SYT16: variants seen among roughly 807,000 people sequenced by gnomAD.
The protein encoded by SYT16 is synaptotagmin-16.
A neutral mutation model predicts 61.4 loss-of-function variants in SYT16; 42 were observed. The observed-to-expected ratio is 0.68, with a 90% CI of 0.53 to 0.89. The LOEUF (loss-of-function observed/expected upper bound fraction) is 0.89. Among genes scored for constraint, SYT16 ranks in the 40% least tolerant of loss-of-function variants. The pLI is 0.00. For synonymous variants in SYT16, 314 were observed against 302.3 expected, an observed-to-expected ratio of 1.04 and a Z score of -0.40; for missense variants, 804 against 807.3, an observed-to-expected ratio of 1.00 and a Z score of 0.05.
At chr14:61,949,411 G>C (rs2050577370) in intron 1 of SYT16, among the ~76,000 whole-genome samples, 2 of 152,166 alleles carry the variant, frequency 1.3e-5, no homozygotes, top group African/African-American at 4.8e-5. Context: ...GAGTATCTCT[G>C]TGTGAACGTT....
chr14:61,820,680 G>T (rs564489017), intron 1 of SYT16, among the ~76,000 whole-genome samples: 80 of 151,760 alleles, frequency 5.3e-4, no homozygotes, highest in Non-Finnish European at 8.7e-4. Context: ...CAGGGTTTCA[G>T]CCTGTTGGCC....
chr14:62,068,937 A>G (rs1595338608), intron 3 of SYT16, among the ~76,000 whole-genome samples: 1 of 152,156 alleles, frequency 6.6e-6, no homozygotes, highest in African/African-American at 2.4e-5. Flanking sequence ...CCAGGATTAC[A>G]GGCTCCTGAC....
At chr14:61,840,979 G>C (rs2046286048) in intron 1 of SYT16, among the ~76,000 whole-genome samples, 1 of 152,180 alleles carries the variant, frequency 6.6e-6, no homozygotes, top group Non-Finnish European at 1.5e-5. Context: ...CAACGGAACA[G>C]TCACCCAAGT....
At chr14:61,982,157 T>G (rs886555057) in intron 2 of SYT16, among the ~76,000 whole-genome samples, 1 of 152,154 alleles carries the variant, frequency 6.6e-6, no homozygotes, top group Non-Finnish European at 1.5e-5. Context: ...GCATGGAATT[T>G]TATGACTGAG....
chr14:62,063,578 G>T (rs2055922276), intron 3 of SYT16, among the ~76,000 whole-genome samples: 1 of 152,028 alleles, frequency 6.6e-6, no homozygotes, highest in Non-Finnish European at 1.5e-5. Context: ...TTCACATTCT[G>T]CACTCTTAAC....
chr14:62,096,104 G>A (rs61993256), intron 7 of SYT16, among the ~76,000 whole-genome samples: 68,891 of 151,740 alleles, frequency 0.45, 15,769 homozygotes, highest in Middle Eastern at 0.54. Flanking sequence ...TAAAGATCAA[G>A]TGTGAAAAAC....
At position 62,101,731 on chromosome 14, in the gene SYT16, C is replaced by T. The variant is rs1376604947; in HGVS notation, c.*1024C>T. 6.6e-6 allele frequency: 1 copy of T among 152,088 alleles called. No individual in the cohort carries two copies. Among genetic ancestry groups the T allele is most frequent in the Admixed American group, 6.6e-5 (1 of 15,266 alleles). The allele number at this position is 152,088 out of a possible 1,614,324, so 9.4% of individuals were successfully genotyped here. A position where few individuals can be genotyped will look rare whatever the true frequency, so the allele number is the denominator to read the frequency against. On this transcript the variant is annotated 3_prime_UTR_variant, in exon 8 of 8. Transcript: ENST00000683842. ...TCTTCAAAGTGAACATGTTATAACA[C>T]CTGTGAATGGAGAAATATTTTCAGC...
intron 7 of SYT16, among the ~76,000 whole-genome samples, chr14:62,085,567 A>G (rs1452315128): frequency 3.3e-5 from 5 of 152,232 alleles, no homozygotes. Context: ...CCACTGGAAA[A>G]GAGTCATCTC....
chr14:62,045,208 A>G (rs2054920273), intron 3 of SYT16, among the ~76,000 whole-genome samples: 1 of 152,172 alleles, frequency 6.6e-6, no homozygotes, highest in South Asian at 2.1e-4. Context: ...ATTTGCTACT[A>G]GGATCATAAG....
chr14:61,979,418 A>G (rs955692046), intron 2 of SYT16, among the ~76,000 whole-genome samples: 2 of 152,148 alleles, frequency 1.3e-5, no homozygotes, highest in Non-Finnish European at 2.9e-5. Context: ...TGCCTTCTTT[A>G]GCAATGAATT....
At chr14:62,078,172 A>AC (rs2056576554) in intron 5 of SYT16, among the ~76,000 whole-genome samples, 1 of 128,786 alleles carries the variant, frequency 7.8e-6, no homozygotes, top group Non-Finnish European at 1.6e-5. Context: ...TATATATATA[A>AC]ACACACACAC....
At chr14:61,978,619 G>A (rs1313349065) in intron 2 of SYT16, among the ~76,000 whole-genome samples, 2 of 152,210 alleles carry the variant, frequency 1.3e-5, no homozygotes, top group Non-Finnish European at 2.9e-5. Flanking sequence ...GCCAGGTGGA[G>A]AACCATTGAT....
chr14:62,089,243 TG>T (rs1472161899), intron 7 of SYT16, among the ~76,000 whole-genome samples: 1 of 150,940 alleles, frequency 6.6e-6, no homozygotes, highest in Non-Finnish European at 1.5e-5. Flanking sequence ...TGCTGGAACC[TG>T]GGAGGTTGAG....
chr14:61,829,510 C>T (rs2045868970), intron 1 of SYT16, among the ~76,000 whole-genome samples: 1 of 152,060 alleles, frequency 6.6e-6, no homozygotes, highest in Non-Finnish European at 1.5e-5. Context: ...TGAATTCTTT[C>T]TCTGATCCTA....
chr14:61,909,419 C>T (rs934808192), intron 1 of SYT16, among the ~76,000 whole-genome samples: 7 of 152,130 alleles, frequency 4.6e-5, no homozygotes, highest in African/African-American at 9.7e-5. Flanking sequence ...TGCCAGGGAG[C>T]GAATCTTTCT....
At chr14:61,931,848 C>T (rs888995379) in intron 1 of SYT16, among the ~76,000 whole-genome samples, 5 of 151,950 alleles carry the variant, frequency 3.3e-5, no homozygotes, top group Admixed American at 3.3e-4. Flanking sequence ...TGTGCTGCAC[C>T]CATTAGAATA....
At chr14:61,944,359 T>C (rs2050333238) in intron 1 of SYT16, among the ~76,000 whole-genome samples, 1 of 152,214 alleles carries the variant, frequency 6.6e-6, no homozygotes. Flanking sequence ...CCATTGACTT[T>C]CTTCACGGAA....
At chr14:61,892,145 A>G (rs2048157287) in intron 1 of SYT16, among the ~76,000 whole-genome samples, 1 of 149,862 alleles carries the variant, frequency 6.7e-6, no homozygotes, top group African/African-American at 2.5e-5. Context: ...GCATCCTCCC[A>G]CCATAAACCT....
At chr14:61,843,389 A>T (rs1265682579) in intron 1 of SYT16, among the ~76,000 whole-genome samples, 1 of 152,136 alleles carries the variant, frequency 6.6e-6, no homozygotes, top group Admixed American at 6.5e-5. Flanking sequence ...CCTTTGCTGT[A>T]CAGAAGCTTT....
Sources: gnomAD v4.1 joint callset for allele counts (sites outside exome capture counted in the v4.1 genomes callset) on GRCh38, gnomAD v4.1.1 for gene constraint, MANE v1.5 for transcripts, NCBI Gene and HGNC (gene_info 2026-07-23, HGNC 2026-07-21) for gene names.